The following ETV6 variants were observed in gnomAD, a reference collection of about 807,000 sequenced individuals.
The protein encoded by ETV6 is transcription factor ETV6.
ETV6 carries 16 observed loss-of-function variants against 51.1 expected under a neutral mutation model. The ratio of observed to expected loss-of-function variants is 0.31; its 90% confidence interval spans 0.21 to 0.48. The LOEUF is 0.48. Among genes scored for constraint, ETV6 ranks in the 20% least tolerant of loss-of-function variants. The pLI is 0.99. For synonymous variants in ETV6, 240 were observed against 224.1 expected, an observed-to-expected ratio of 1.07 and a Z score of -0.64; for missense variants, 458 against 594.8, an observed-to-expected ratio of 0.77 and a Z score of 2.39.
chr12:11,729,934 C>G (rs1865562053), intron 1 of ETV6, among the ~76,000 whole-genome samples: 1 of 152,112 alleles, frequency 6.6e-6, no homozygotes, highest in African/African-American at 2.4e-5. Flanking sequence ...TGCTGATTCA[C>G]AAAGGCATTT....
chr12:11,891,947 T>C lies in ETV6; in HGVS notation c.*901T>C, dbSNP rs568162353. The C allele has an allele frequency of 4.1e-6, 1 of 243,898 alleles. No homozygotes were observed. The highest frequency in any genetic ancestry group is 2.2e-5 in the African/African-American group (1 of 45,736). The allele number at this position is 243,898 out of a possible 1,614,324, so 15.1% of individuals were successfully genotyped here. ...CCCTGAGATGGCTGTGAGAACCATG[T>C]GTCTAAGGCGTAAGATAAGGATGGA... On this transcript the variant is annotated 3_prime_UTR_variant, in exon 8 of 8. Coordinates refer to ENST00000396373, the MANE Select transcript of ETV6 (RefSeq NM_001987.5).
Position 11,869,424 on chromosome 12 carries a change from A to C in ETV6, c.464A>C (p.Asp155Ala). Residue 155 changes from aspartate to alanine, a missense_variant and splice_region_variant, in exon 5 of 8, where the codon GAT becomes GCT. Around this residue, in one of 4 missense-constraint regions of ETV6, gnomAD observed 293 missense variants for 315.7 expected, o/e 0.93. Transcript: ENST00000396373. The surrounding 1 kb of genome is among the most constrained non-coding windows in gnomAD (Gnocchi z 5.0). ...GATTGTCTTTCCCTCTGCTCCACAG[A>C]TAACTGTGTCCAGAGGACCCCCAGG... is the stretch of plus-strand genomic sequence containing the variant. ...EVILHQNHEE[D>A]NCVQRTPRPS... 6.2e-7 allele frequency: 1 copy of C among 1,603,722 alleles called. No homozygotes were observed. The highest frequency in any genetic ancestry group is 1.3e-5 in the African/African-American group (1 of 74,884).
chr12:11,748,750 CAGTTTAAAAATG>C (rs1865954064), intron 1 of ETV6, among the ~76,000 whole-genome samples: 1 of 152,126 alleles, frequency 6.6e-6, no homozygotes, highest in Non-Finnish European at 1.5e-5. Context: ...CCTAAGCATT[CAGTTTAAAAATG>C]AGCAGAATTA....
intron 7 of ETV6, among the ~76,000 whole-genome samples, chr12:11,888,229 CT>C (rs755898666): frequency 6.6e-6 from 1 of 152,086 alleles, no homozygotes; most frequent in Admixed American, 6.5e-5. Flanking sequence ...ATATGACTAA[CT>C]TTTGCCTTTT....
chr12:11,687,251 C>A (rs1364386722), intron 1 of ETV6, among the ~76,000 whole-genome samples: 1 of 139,318 alleles, frequency 7.2e-6, no homozygotes, highest in East Asian at 2.4e-4. Flanking sequence ...ACCTCCGGCT[C>A]CCCGCTCCCC....
intron 2 of ETV6, among the ~76,000 whole-genome samples, chr12:11,767,633 G>A (rs1945182301): frequency 6.6e-6 from 1 of 152,214 alleles, no homozygotes; most frequent in African/African-American, 2.4e-5. Context: ...TTGCTCATCT[G>A]TAAAACTGGG....
At position 11,893,773 on chromosome 12, in the gene ETV6, C is replaced by G. The variant is rs1475068069; in HGVS notation, c.*2727C>G. On this transcript the variant is annotated 3_prime_UTR_variant, in exon 8 of 8. Coordinates refer to ENST00000396373, the MANE Select transcript of ETV6 (RefSeq NM_001987.5). The stretch of plus-strand genomic sequence containing the variant: ...TGAATTTTGTGTTTAGACTTTGTGT[C>G]CATCCCCAAGATCTCTCATTTTATA... 1.2e-5 allele frequency: 2 copies of G among 166,004 alleles called. No individual in the cohort carries two copies. The highest frequency in any genetic ancestry group is 5.6e-5 in the African/African-American group (2 of 35,974). The allele number at this position is 166,004 out of a possible 1,614,324, so 10.3% of individuals were successfully genotyped here.
chr12:11,674,151 G>A (rs970005552), intron 1 of ETV6, among the ~76,000 whole-genome samples: 2 of 152,208 alleles, frequency 1.3e-5, no homozygotes, highest in Non-Finnish European at 2.9e-5. Flanking sequence ...ATAAAGAGCA[G>A]TGTGCTCGCG....
chr12:11,863,249 G>T (rs928936), intron 4 of ETV6, among the ~76,000 whole-genome samples: 48,751 of 152,074 alleles, frequency 0.32, 9,116 homozygotes, highest in South Asian at 0.53. Flanking sequence ...TTTATGAATT[G>T]TAAGTAGAGA....
intron 5 of ETV6, among the ~76,000 whole-genome samples, chr12:11,876,096 G>A (rs1219996333): frequency 2.0e-5 from 3 of 152,180 alleles, no homozygotes; most frequent in Non-Finnish European, 4.4e-5. Context: ...AGATGACAAG[G>A]CATGTTTGAG....
chr12:11,875,690 G>C (rs760812391), intron 5 of ETV6, among the ~76,000 whole-genome samples: 1 of 152,318 alleles, frequency 6.6e-6, no homozygotes, highest in East Asian at 1.9e-4. Flanking sequence ...GTCTAGCCTC[G>C]AGCTTCTGTT....
intron 1 of ETV6, among the ~76,000 whole-genome samples, chr12:11,727,220 A>G (rs1865507040): frequency 6.6e-6 from 1 of 152,232 alleles, no homozygotes; most frequent in Admixed American, 6.5e-5. Context: ...GAGCTGTTGA[A>G]TGGGGAGTTT....
At chr12:11,757,622 A>G (rs2121091293) in intron 2 of ETV6, among the ~76,000 whole-genome samples, 1 of 152,350 alleles carries the variant, frequency 6.6e-6, no homozygotes, top group African/African-American at 2.4e-5. Context: ...TTCACACAGC[A>G]TGTGAAAGGC....
chr12:11,744,591 A>G (rs1160707288), intron 1 of ETV6, among the ~76,000 whole-genome samples: 2 of 152,226 alleles, frequency 1.3e-5, no homozygotes, highest in African/African-American at 4.8e-5. Flanking sequence ...TTAGTAGGAC[A>G]TGCACTTTTA....
intron 5 of ETV6, among the ~76,000 whole-genome samples, chr12:11,870,997 A>C (rs1946872894): frequency 6.6e-6 from 1 of 152,060 alleles, no homozygotes; most frequent in Non-Finnish European, 1.5e-5. Context: ...TACTGAAGTG[A>C]CTGTGCTTTC....
intron 2 of ETV6, among the ~76,000 whole-genome samples, chr12:11,770,021 A>T (rs1251454306): frequency 1.3e-5 from 2 of 152,212 alleles, no homozygotes; most frequent in Non-Finnish European, 2.9e-5. Context: ...AAGATGACTG[A>T]CAGGTGGATG....
chr12:11,723,583 G>C (rs535586346), intron 1 of ETV6, among the ~76,000 whole-genome samples: 1 of 152,048 alleles, frequency 6.6e-6, no homozygotes, highest in African/African-American at 2.4e-5. Flanking sequence ...TTATTCCAGC[G>C]TGGTACCCGG....
At chr12:11,887,413 C>T (rs1480891283) in intron 7 of ETV6, among the ~76,000 whole-genome samples, 4 of 152,156 alleles carry the variant, frequency 2.6e-5, no homozygotes, top group Non-Finnish European at 5.9e-5. Context: ...TTAAGTATTT[C>T]AGACATGACA....
intron 1 of ETV6, among the ~76,000 whole-genome samples, chr12:11,665,764 A>G (rs1864182946): frequency 6.6e-6 from 1 of 152,222 alleles, no homozygotes; most frequent in African/African-American, 2.4e-5. Flanking sequence ...TCAGGACTCC[A>G]TGTCAGGGCG....
Sources: gnomAD v4.1 joint callset for allele counts (sites outside exome capture counted in the v4.1 genomes callset) on GRCh38, gnomAD v4.1.1 for gene constraint, gnomAD v4.1.1 regional missense constraint, Gnocchi (gnomAD v3.1) non-coding constraint, MANE v1.5 for transcripts, NCBI Gene and HGNC (gene_info 2026-07-23, HGNC 2026-07-21) for gene names.